The following TDP2 variants were observed in gnomAD, a reference collection of about 807,000 sequenced individuals.
TDP2 encodes tyrosyl-DNA phosphodiesterase 2, also known as 5'-Tyr-DNA phosphodiesterase.
A neutral mutation model predicts 42.8 loss-of-function variants in TDP2; 38 were observed. That is an observed-to-expected ratio of 0.89 (90% CI 0.68 to 1.16). TDP2 has a LOEUF of 1.16. Among genes scored for constraint, TDP2 ranks in the 50% most tolerant of loss-of-function variants. The pLI is 0.00. For synonymous variants in TDP2, 173 were observed against 150.6 expected (o/e 1.15, Z -1.09); for missense variants, 439 against 439.3 (o/e 1.00, Z 0.01).
intron 4 of TDP2, 71 bp downstream of exon 4, chr6:24,657,741 C>G (rs1328945995): frequency 1.2e-6 from 1 of 863,630 alleles, no homozygotes; most frequent in Non-Finnish European, 1.8e-6. Context: ...CCCAATAGAC[C>G]AACTTTGATT....
At chr6:24,659,495 G>A (rs547330758) in intron 2 of TDP2, among the ~76,000 whole-genome samples, 5 of 152,154 alleles carry the variant, frequency 3.3e-5, no homozygotes, top group African/African-American at 1.2e-4. Context: ...TTTTGGGTTC[G>A]TAGATAGATT....
rs1778254849 is a variant in TDP2, at chr6:24,666,812, C to G, written c.51G>C (p.Glu17Asp). 1 of 1,614,224 alleles carries G rather than the reference C, an allele frequency of 6.2e-7. No individual in the cohort carries two copies. The highest frequency in any genetic ancestry group is 8.5e-7 in the Non-Finnish European group (1 of 1,180,042). Residue 17 changes from glutamate (E) to aspartate (D), a missense_variant, in exon 1 of 7, where the codon GAG becomes GAC. Physicochemically the swap from Glu to Asp is conservative, Grantham distance 45 (BLOSUM62 2). Transcript: ENST00000378198. ...GCCGCTTTTTCACCTCAGGCTCGCC[C>G]TCTTCCTCCGCCGCCTCCCTCCCGC... ...LEGGREAAEEEGEPEVKKRRL... is the reference protein window; with the variant it reads ...LEGGREAAEEDGEPEVKKRRL...
intron 5 of TDP2, among the ~76,000 whole-genome samples, chr6:24,654,044 A>G (rs1448789559): frequency 6.6e-6 from 1 of 152,200 alleles, no homozygotes; most frequent in Non-Finnish European, 1.5e-5. Flanking sequence ...TTTAGTTACT[A>G]TATACACACT....
At chr6:24,662,184 T>C (rs541545166) in intron 2 of TDP2, among the ~76,000 whole-genome samples, 27 of 152,032 alleles carry the variant, frequency 1.8e-4, no homozygotes, top group African/African-American at 6.3e-4. Flanking sequence ...CAGCCTGAGA[T>C]AATGGCCTCA....
chr6:24,655,390 A>G lies in TDP2; in HGVS notation c.518-860T>C, dbSNP rs1285845557. Among the ~76,000 whole-genome samples, 9 of 152,206 alleles carry G rather than the reference A, an allele frequency of 5.9e-5. No individual in the cohort carries two copies. In the South Asian group the frequency reaches 1.7e-3, roughly 28 times the overall value. ...TTGAGTGACTGTAGCAGAGAACCAT[A>G]GACAGGAAGCAAGCAGATTTGTTCC... On this transcript the variant is annotated intron_variant, in intron 4 of 6. Transcript: ENST00000378198.
At chr6:24,655,795 T>C (rs2127617560) in intron 4 of TDP2, among the ~76,000 whole-genome samples, 1 of 152,286 alleles carries the variant, frequency 6.6e-6, no homozygotes, top group South Asian at 2.1e-4. Context: ...GAAAGCTAAA[T>C]AACTCTTTTT....
chr6:24,658,448 C>T, intron 3 of TDP2, 113 bp downstream of exon 3: 1 of 784,808 alleles, frequency 1.3e-6, no homozygotes. Flanking sequence ...TCAGATGTTT[C>T]TTCTCAGAGC....
At chr6:24,665,267 T>C (rs1341975685) in intron 2 of TDP2, among the ~76,000 whole-genome samples, 1 of 152,222 alleles carries the variant, frequency 6.6e-6, no homozygotes, top group African/African-American at 2.4e-5. Context: ...TCCAGCTCCA[T>C]AGGAAGACTC....
chr6:24,655,716 T>C (rs1423061601), intron 4 of TDP2, among the ~76,000 whole-genome samples: 1 of 152,164 alleles, frequency 6.6e-6, no homozygotes, highest in Non-Finnish European at 1.5e-5. Flanking sequence ...CTCAGCTCCC[T>C]TCCCCTCACC....
rs1409430189 is a variant in TDP2, at chr6:24,650,124, TTA to T, written c.*662_*663del. The T allele has an allele frequency of 6.6e-6, 1 of 152,258 alleles. No individual in the cohort carries two copies. The highest frequency in any genetic ancestry group is 1.9e-4 in the East Asian group (1 of 5,202). The allele number at this position is 152,258 out of a possible 1,614,324, so 9.4% of individuals were successfully genotyped here. A position where few individuals can be genotyped will look rare whatever the true frequency, so the allele number is the denominator to read the frequency against. The stretch of plus-strand genomic sequence containing the variant: ...TAAAAGGCTATGTCTCTTCATGCAT[TTA>T]TTTTTGTTAGAAAAATGTCCCATGG... On this transcript the variant is annotated 3_prime_UTR_variant, in exon 7 of 7. Transcript: ENST00000378198.
chr6:24,652,177 C>T (rs1467360870), intron 6 of TDP2, among the ~76,000 whole-genome samples: 1 of 152,160 alleles, frequency 6.6e-6, no homozygotes, highest in Non-Finnish European at 1.5e-5. Flanking sequence ...TAAGATTCGC[C>T]CATATTGTAG....
At chr6:24,663,973 A>C (rs1778193229) in intron 2 of TDP2, among the ~76,000 whole-genome samples, 1 of 152,244 alleles carries the variant, frequency 6.6e-6, no homozygotes, top group Non-Finnish European at 1.5e-5. Flanking sequence ...AGGGAAATAA[A>C]CTCTAAAACG....
At chr6:24,660,159 T>G (rs1778117607) in intron 2 of TDP2, among the ~76,000 whole-genome samples, 1 of 152,236 alleles carries the variant, frequency 6.6e-6, no homozygotes. Flanking sequence ...ATATTAACAT[T>G]TTACTTAACA....
chr6:24,665,318 G>A (rs950485690), intron 2 of TDP2, among the ~76,000 whole-genome samples: 1 of 152,204 alleles, frequency 6.6e-6, no homozygotes, highest in African/African-American at 2.4e-5. Flanking sequence ...ACCAAGGAGA[G>A]GATCTGACTG....
Position 24,654,429 on chromosome 6 carries a change from T to G in TDP2, c.619A>C (p.Asn207His). The stretch of plus-strand genomic sequence containing the variant: ...TTACTCACATGCACACATAAAAGGT[T>G]TCTCATCATTTTGGTACTTGGAAAA... ...IPFPSTKMMR[N>H]LLCVHVNVSG... The change falls in exon 5 of 7, where the codon AAC becomes CAC. Residue 207 changes from asparagine to histidine, a missense_variant. By Grantham distance (68) the Asn-to-His change is moderately conservative. Coordinates refer to ENST00000378198, the MANE Select transcript of TDP2 (RefSeq NM_016614.3). The G allele has an allele frequency of 6.5e-7, 1 of 1,527,554 alleles. No homozygotes were observed. The highest frequency in any genetic ancestry group is 8.9e-7 in the Non-Finnish European group (1 of 1,118,126). 94.6% of individuals were successfully genotyped at this position (1,527,554 alleles called of 1,614,324 possible). A position where few individuals can be genotyped will look rare whatever the true frequency, so the allele number is the denominator to read the frequency against.
chr6:24,658,635 A>T lies in TDP2; in HGVS notation c.351T>A (p.Ile117=), dbSNP rs182758509. 2 of 1,614,004 alleles carry T rather than the reference A, an allele frequency of 1.2e-6. No individual in the cohort carries two copies. Among genetic ancestry groups the T allele is most frequent in the East Asian group, 2.2e-5 (1 of 44,878 alleles). Residue 117 remains isoleucine (I), a synonymous_variant, in exon 3 of 7, where the codon ATT becomes ATA. Coordinates refer to ENST00000378198, the MANE Select transcript of TDP2 (RefSeq NM_016614.3). ...QQENGSMFSL[I]TWNIDGLDLN... is the part of the protein sequence containing the mutation. ...GATCTAATCCATCAATATTCCAGGT[A>T]ATGAGAGAGAACATGCTGCCATTTT...
chr6:24,659,574 G>A (rs1778108647), intron 2 of TDP2, among the ~76,000 whole-genome samples: 1 of 152,148 alleles, frequency 6.6e-6, no homozygotes, highest in Non-Finnish European at 1.5e-5. Context: ...TCAATGACAT[G>A]TGTCACTAGA....
At chr6:24,655,376 TA>T (rs1259690957) in intron 4 of TDP2, among the ~76,000 whole-genome samples, 1 of 152,172 alleles carries the variant, frequency 6.6e-6, no homozygotes. Context: ...TGAGTGACTG[TA>T]GCAGAGAACC....
Position 24,666,692 on chromosome 6 carries a change from G to C in TDP2, c.165+6C>G, listed in dbSNP as rs766669494. 6.2e-7 allele frequency: 1 copy of C among 1,614,236 alleles called. No homozygotes were observed. The highest frequency in any genetic ancestry group is 1.3e-5 in the African/African-American group (1 of 75,072). On this transcript the variant is annotated splice_donor_region_variant and intron_variant, in intron 1 of 6. Transcript: ENST00000378198. ...GGAGCCGGAAGCGAGGACAGCGAAA[G>C]CGTACTTCCATCTCCCAGTCGTTCT...
Sources: gnomAD v4.1 joint callset for allele counts (sites outside exome capture counted in the v4.1 genomes callset) on GRCh38, gnomAD v4.1.1 for gene constraint, MANE v1.5 for transcripts, NCBI Gene and HGNC (gene_info 2026-07-23, HGNC 2026-07-21) for gene names.